The following PIGL variants were observed in gnomAD, a reference collection of about 807,000 sequenced individuals.
The protein encoded by PIGL is N-acetylglucosaminyl-phosphatidylinositol de-N-acetylase.
Under a neutral mutation model 31.1 loss-of-function variants are expected in PIGL, and 22 were observed. The observed-to-expected ratio is 0.71, with a 90% CI of 0.51 to 1.01. PIGL has a LOEUF of 1.01. Ranked by LOEUF, PIGL falls within the 50% of genes least tolerant of loss-of-function variation. The pLI, the probability that PIGL is intolerant of heterozygous loss-of-function variation, is 0.00. For missense variants in PIGL, 302 were observed against 315.9 expected, an observed-to-expected ratio of 0.96 and a Z score of 0.33; for synonymous variants, 131 against 117.4, an observed-to-expected ratio of 1.12 and a Z score of -0.75.
intron 4 of PIGL, among the ~76,000 whole-genome samples, chr17:16,315,708 C>CTTTTTTTTTTTTTTTTTTTTTT (rs1157169209): frequency 1.0e-4 from 6 of 58,990 alleles, no homozygotes; most frequent in South Asian, 7.1e-4. Context: ...TTCTTTCTTT[C>CTTTTTTTTTTTTTTTTTTTTTT]TTTTTTTTTT....
At chr17:16,264,003 C>A (rs1223442296) in intron 2 of PIGL, among the ~76,000 whole-genome samples, 1 of 130,260 alleles carries the variant, frequency 7.7e-6, no homozygotes, top group African/African-American at 2.9e-5. Context: ...ACCACCACTC[C>A]TGGCTGATTT....
chr17:16,239,732 A>C (rs185046807), intron 2 of PIGL, among the ~76,000 whole-genome samples: 91 of 152,142 alleles, frequency 6.0e-4, no homozygotes, highest in African/African-American at 2.1e-3. Context: ...CAGTGGAGGG[A>C]GGATATCTCA....
At chr17:16,294,249 G>A (rs976184603) in intron 2 of PIGL, among the ~76,000 whole-genome samples, 5 of 152,220 alleles carry the variant, frequency 3.3e-5, no homozygotes, top group African/African-American at 1.2e-4. Context: ...ATGGAAAGCA[G>A]GGGAGCTAGA....
At chr17:16,254,873 A>C (rs2092787575) in intron 2 of PIGL, among the ~76,000 whole-genome samples, 1 of 152,192 alleles carries the variant, frequency 6.6e-6, no homozygotes, top group African/African-American at 2.4e-5. Flanking sequence ...AAGTGCTGGG[A>C]TTACAGGCTT....
intron 2 of PIGL, among the ~76,000 whole-genome samples, chr17:16,258,098 AGAG>A (rs2092803040): frequency 3.1e-5 from 4 of 130,226 alleles, no homozygotes; most frequent in South Asian, 2.5e-4. Flanking sequence ...AGAGAGAGAG[AGAG>A]AAAGAGAGAG....
chr17:16,311,336 ATCTC>A (rs1405061112), intron 3 of PIGL, among the ~76,000 whole-genome samples: 1 of 150,120 alleles, frequency 6.7e-6, no homozygotes, highest in Non-Finnish European at 1.5e-5. Flanking sequence ...ATCTCAGAAA[ATCTC>A]TATGACAATT....
chr17:16,300,613 G>A (rs2093000601), intron 3 of PIGL, among the ~76,000 whole-genome samples: 1 of 151,936 alleles, frequency 6.6e-6, no homozygotes, highest in African/African-American at 2.4e-5. Context: ...TTGGGAGGCA[G>A]AGGTTGCAAT....
intron 6 of PIGL, among the ~76,000 whole-genome samples, chr17:16,320,939 T>G (rs1221724664): frequency 6.9e-6 from 1 of 144,244 alleles, no homozygotes; most frequent in East Asian, 2.0e-4. Flanking sequence ...CTGGCCATTT[T>G]TTTTTTTTTT....
intron 2 of PIGL, among the ~76,000 whole-genome samples, chr17:16,246,941 G>T (rs914208508): frequency 2.0e-5 from 3 of 150,868 alleles, no homozygotes; most frequent in African/African-American, 7.3e-5. Flanking sequence ...CACCCGCCTC[G>T]GCCTCCCAAA....
intron 2 of PIGL, among the ~76,000 whole-genome samples, chr17:16,277,978 A>T (rs1475406732): frequency 6.6e-6 from 1 of 152,198 alleles, no homozygotes; most frequent in Non-Finnish European, 1.5e-5. Flanking sequence ...CATATTTGAC[A>T]GTGCTTCCTG....
chr17:16,239,597 T>C (rs770977421), intron 2 of PIGL, among the ~76,000 whole-genome samples: 7 of 152,182 alleles, frequency 4.6e-5, no homozygotes, highest in Non-Finnish European at 8.8e-5. Context: ...CTTCATGATA[T>C]CATACAGAAA....
intron 2 of PIGL, among the ~76,000 whole-genome samples, chr17:16,274,253 G>A (rs1200503191): frequency 1.3e-5 from 2 of 152,256 alleles, no homozygotes; most frequent in African/African-American, 4.8e-5. Context: ...GACGTGAGAA[G>A]GTTGGAGCGT....
At chr17:16,320,974 G>C (rs1478659078) in intron 6 of PIGL, among the ~76,000 whole-genome samples, 1 of 117,916 alleles carries the variant, frequency 8.5e-6, no homozygotes, top group African/African-American at 3.3e-5. Flanking sequence ...GTCTTGCTCT[G>C]TCACCCAGGC....
chr17:16,296,389 A>G (rs2092982191), intron 2 of PIGL, among the ~76,000 whole-genome samples: 1 of 152,034 alleles, frequency 6.6e-6, no homozygotes, highest in South Asian at 2.1e-4. Context: ...AGGTGGGCGG[A>G]TCACAAGGTC....
At position 16,281,951 on chromosome 17, in the gene PIGL, C is replaced by T. The variant is rs1025442021; in HGVS notation, c.336-17937C>T. ...GCAACCTGTAAGACCCATCCTCAGA[C>T]ATTCTGCTATTGCCCCCAGACAATG... On this transcript the variant is annotated intron_variant, in intron 2 of 6. Transcript: ENST00000225609. 21 of 444,964 alleles carry T rather than the reference C, an allele frequency of 4.7e-5. 1 individual carries two copies. The highest frequency in any genetic ancestry group is 3.3e-4 in the South Asian group (21 of 63,254). 27.6% of individuals were successfully genotyped at this position (444,964 alleles called of 1,614,324 possible). A position where few individuals can be genotyped will look rare whatever the true frequency, so the allele number is the denominator to read the frequency against.
chr17:16,265,248 A>G (rs1208933137), intron 2 of PIGL, among the ~76,000 whole-genome samples: 1 of 152,216 alleles, frequency 6.6e-6, no homozygotes, highest in East Asian at 1.9e-4. Context: ...GGTGACCTTA[A>G]GGGTGCTGAT....
chr17:16,270,742 CA>C (rs1002366297), intron 2 of PIGL, among the ~76,000 whole-genome samples: 3 of 151,724 alleles, frequency 2.0e-5, no homozygotes, highest in African/African-American at 7.3e-5. Flanking sequence ...ACTAAAAATA[CA>C]AAAATTAGCC....
At chr17:16,302,656 G>A (rs1324007533) in intron 3 of PIGL, among the ~76,000 whole-genome samples, 1 of 152,024 alleles carries the variant, frequency 6.6e-6, no homozygotes, top group African/African-American at 2.4e-5. Context: ...CTGGAATGCA[G>A]TGGCGCGATC....
At chr17:16,234,120 T>C (rs1029091602) in intron 2 of PIGL, 50 bp downstream of exon 2, 1 of 1,030,830 alleles carries the variant, frequency 9.7e-7, no homozygotes, top group African/African-American at 1.6e-5. Flanking sequence ...AAATATGCAG[T>C]GATATACTCA....
Sources: allele counts gnomAD v4.1 joint callset (sites outside exome capture counted in the v4.1 genomes callset), GRCh38; gene constraint gnomAD v4.1.1; transcripts MANE v1.5; gene names NCBI Gene and HGNC (gene_info 2026-07-23, HGNC 2026-07-21).